The following AQR variants were observed in gnomAD, a reference collection of about 807,000 sequenced individuals.
AQR encodes aquarius intron-binding spliceosomal factor, also known as RNA helicase aquarius.
In AQR, 61 loss-of-function variants were observed where a neutral mutation model predicts 180.5. That is an observed-to-expected ratio of 0.34 (90% CI 0.28 to 0.42). The LOEUF (loss-of-function observed/expected upper bound fraction) is 0.42, where lower values mean the gene tolerates loss of function less well. Ranked by LOEUF, AQR falls within the 10% of genes least tolerant of loss-of-function variation. The pLI is 1.00. For missense variants in AQR, 1,281 were observed against 1,798.3 expected (o/e 0.71, Z 5.20); for synonymous variants, 551 against 588.8 (o/e 0.94, Z 0.93).
At chr15:34,875,044 C>T (rs954405926) in intron 28 of AQR, among the ~76,000 whole-genome samples, 180 bp from the exon 29 acceptor site, 1 of 151,990 alleles carries the variant, frequency 6.6e-6, no homozygotes, top group Non-Finnish European at 1.5e-5. Context: ...CAATTATGGA[C>T]GTTATTGCTC....
chr15:34,931,091 C>T (rs961669379), intron 11 of AQR, among the ~76,000 whole-genome samples: 2 of 152,164 alleles, frequency 1.3e-5, no homozygotes, highest in Admixed American at 6.5e-5. Context: ...CGGCCTCGGC[C>T]TCCCAAAGTG....
chr15:34,944,641 C>T (rs187439010), intron 5 of AQR, among the ~76,000 whole-genome samples: 1 of 152,070 alleles, frequency 6.6e-6, no homozygotes, highest in Non-Finnish European at 1.5e-5. Context: ...GCTGCAGAAC[C>T]CTTTAGCTAA....
intron 4 of AQR, 148 bp from the exon 5 acceptor site, chr15:34,948,532 G>A: frequency 9.4e-7 from 1 of 1,061,460 alleles, no homozygotes; most frequent in South Asian, 1.7e-5. Context: ...GGCTGGGTGT[G>A]GTAGCTCATG....
intron 20 of AQR, among the ~76,000 whole-genome samples, chr15:34,899,479 C>G (rs1256225355): frequency 6.6e-6 from 1 of 151,764 alleles, no homozygotes; most frequent in East Asian, 1.9e-4. Flanking sequence ...CCTGGGTTCA[C>G]GTGATCCTCC....
chr15:34,894,928 G>A (rs1012890404), intron 22 of AQR, among the ~76,000 whole-genome samples: 5 of 151,470 alleles, frequency 3.3e-5, no homozygotes, highest in African/African-American at 1.2e-4. Context: ...ACTTTGGGAG[G>A]CTGAGGCAGG....
intron 13 of AQR, among the ~76,000 whole-genome samples, chr15:34,924,502 G>A (rs1893728519): frequency 6.6e-6 from 1 of 151,742 alleles, no homozygotes; most frequent in South Asian, 2.1e-4. Context: ...CACGATCTTG[G>A]CTCACTGCAA....
At chr15:34,873,397 T>C (rs573350275) in intron 30 of AQR, among the ~76,000 whole-genome samples, 2 of 152,328 alleles carry the variant, frequency 1.3e-5, no homozygotes, top group African/African-American at 2.4e-5. Context: ...ATACTTGTTA[T>C]AAAATATGAA....
chr15:34,896,806 G>C (rs578239398), intron 22 of AQR, 91 bp downstream of exon 22: 5 of 1,101,088 alleles, frequency 4.5e-6, no homozygotes, highest in Non-Finnish European at 6.8e-6. Context: ...CTGAGATCGC[G>C]CCACTGCACT....
chr15:34,898,659 T>C (rs928040940), intron 20 of AQR, among the ~76,000 whole-genome samples: 2 of 151,374 alleles, frequency 1.3e-5, no homozygotes, highest in East Asian at 1.9e-4. Context: ...CCGAGGCGGG[T>C]GAATCACGAG....
intron 2 of AQR, among the ~76,000 whole-genome samples, chr15:34,963,426 T>C (rs1356029979): frequency 2.0e-5 from 3 of 152,190 alleles, no homozygotes; most frequent in Non-Finnish European, 2.9e-5. Flanking sequence ...CTTAAGTTAT[T>C]ACACTATACA....
intron 2 of AQR, among the ~76,000 whole-genome samples, chr15:34,962,340 C>G (rs920095317): frequency 2.0e-5 from 3 of 152,002 alleles, no homozygotes; most frequent in Admixed American, 6.6e-5. Context: ...CTTTTAATTG[C>G]TCCAAGTACA....
At position 34,854,861 on chromosome 15, in the gene AQR, G is replaced by T. The variant is rs1229967045; in HGVS notation, c.*1931C>A. 3 of 152,156 alleles carry T rather than the reference G, an allele frequency of 2.0e-5. No homozygotes were observed. The highest frequency in any genetic ancestry group is 3.2e-3 in the Middle Eastern group (1 of 316). 9.4% of individuals were successfully genotyped at this position (152,156 alleles called of 1,614,324 possible). On this transcript the variant is annotated 3_prime_UTR_variant, in exon 35 of 35. Coordinates refer to ENST00000156471, the MANE Select transcript of AQR (RefSeq NM_014691.3). ...GGTATCATACCTCATATCCCCTAAG[G>T]GAGAGAGAAAAATCAATCTTTTCCA...
chr15:34,942,149 A>G, intron 6 of AQR, 69 bp from the exon 7 acceptor site: 1 of 1,195,274 alleles, frequency 8.4e-7, no homozygotes, highest in Non-Finnish European at 1.2e-6. Flanking sequence ...TTACATAAGA[A>G]GTATACTGCC....
intron 4 of AQR, among the ~76,000 whole-genome samples, chr15:34,952,143 T>C (rs1398590712): frequency 2.0e-5 from 3 of 152,232 alleles, no homozygotes; most frequent in Non-Finnish European, 4.4e-5. Flanking sequence ...ACCTCTGATG[T>C]AAACCAGATG....
chr15:34,900,930 T>TG lies in AQR; in HGVS notation c.2002-68dup. On this transcript the variant is annotated intron_variant, in intron 19 of 34. Coordinates refer to ENST00000156471, the MANE Select transcript of AQR (RefSeq NM_014691.3). Reference sequence around the variant, plus strand: ...TCTCCAACATTTGCACTTACTGGAATGCAGAGCTGGCTGCACTAATCCAGA... The same window carrying TG: ...TCTCCAACATTTGCACTTACTGGAATGGCAGAGCTGGCTGCACTAATCCAGA... The TG allele has an allele frequency of 2.0e-6, 3 of 1,515,290 alleles. No homozygotes were observed. The South Asian group carries it at 4.1e-5, about 21-fold the overall frequency. The allele number at this position is 1,515,290 out of a possible 1,614,324, so 93.9% of individuals were successfully genotyped here.
chr15:34,870,288 T>A (rs892390908), intron 31 of AQR: 1 of 152,174 alleles, frequency 6.6e-6, no homozygotes, highest in Non-Finnish European at 1.5e-5. Context: ...CCTTCATTAA[T>A]GAAAGAATCA....
At chr15:34,869,216 A>G (rs987874282) in intron 31 of AQR, 1 of 152,108 alleles carries the variant, frequency 6.6e-6, no homozygotes, top group Non-Finnish European at 1.5e-5. Context: ...TTGGGTAGGT[A>G]GTGGTATATC....
At chr15:34,885,475 A>G (rs1893045450) in intron 25 of AQR, among the ~76,000 whole-genome samples, 1 of 152,210 alleles carries the variant, frequency 6.6e-6, no homozygotes, top group African/African-American at 2.4e-5. Context: ...AGCTATAGGA[A>G]CAAGGGCTAG....
At chr15:34,867,976 G>T in intron 31 of AQR, 1 of 186,858 alleles carries the variant, frequency 5.4e-6, no homozygotes, top group South Asian at 1.2e-4. Flanking sequence ...AACTTAGTAT[G>T]CTTATTTATT....
Sources: gnomAD v4.1 joint callset for allele counts (sites outside exome capture counted in the v4.1 genomes callset) on GRCh38, gnomAD v4.1.1 for gene constraint, MANE v1.5 for transcripts, NCBI Gene and HGNC (gene_info 2026-07-23, HGNC 2026-07-21) for gene names.